Variants in CAPN13 observed in about 807,000 individuals in gnomAD.
The protein encoded by CAPN13 is calpain-13.
Under a neutral mutation model 98.4 loss-of-function variants are expected in CAPN13, and 90 were observed. The ratio of observed to expected loss-of-function variants is 0.92; its 90% CI spans 0.77 to 1.09. The LOEUF is 1.09. Among genes scored for constraint, CAPN13 ranks in the 50% least tolerant of loss-of-function variants. CAPN13 has a pLI of 0.00. For synonymous variants in CAPN13, 330 were observed against 305.5 expected (o/e 1.08, Z -0.84); for missense variants, 887 against 841.3 (o/e 1.05, Z -0.67).
rs746559446 is a variant in CAPN13 at position 30,787,299 on chromosome 2, C to T, written c.27G>A (p.Val9=). MAYYQEPS[V]ETSIIKFKDQ... Reference sequence around the variant, plus strand: ...CTTTGAACTTGATGATGGAGGTCTCCACTGAAGGCTCCTGGTAATACGCCA... The same window carrying T: ...CTTTGAACTTGATGATGGAGGTCTCTACTGAAGGCTCCTGGTAATACGCCA... Residue 9 remains valine, a synonymous_variant, in exon 2 of 23, where the codon GTG becomes GTA. Coordinates refer to ENST00000295055, the MANE Select transcript of CAPN13 (RefSeq NM_144575.3). The T allele has an allele frequency of 3.1e-6, 5 of 1,613,130 alleles. No individual in the cohort carries two copies. In the East Asian group the frequency reaches 1.1e-4, roughly 36 times the overall value.
chr2:30,778,476 C>T (rs1157922491), intron 2 of CAPN13, among the ~76,000 whole-genome samples: 1 of 152,232 alleles, frequency 6.6e-6, no homozygotes, highest in Admixed American at 6.5e-5. Flanking sequence ...GGCCTCCTCT[C>T]TGTGCAGCTC....
intron 1 of CAPN13, 128 bp from the exon 2 acceptor site, chr2:30,787,485 C>T (rs1674354623): frequency 1.6e-6 from 1 of 619,654 alleles, no homozygotes; most frequent in Non-Finnish European, 2.7e-6. Flanking sequence ...CTGCACTGTC[C>T]CTGGTGGCAC....
chr2:30,751,929 CT>C (rs761516778), intron 10 of CAPN13, among the ~76,000 whole-genome samples: 14 of 152,218 alleles, frequency 9.2e-5, no homozygotes, highest in Non-Finnish European at 1.9e-4. Flanking sequence ...CACTGGCTCT[CT>C]TTTCTTTTTC....
chr2:30,733,953 G>A (rs949625458), intron 19 of CAPN13, among the ~76,000 whole-genome samples: 1 of 152,166 alleles, frequency 6.6e-6, no homozygotes, highest in Non-Finnish European at 1.5e-5. Context: ...GAACCATGGA[G>A]AACTTATGCA....
intron 1 of CAPN13, among the ~76,000 whole-genome samples, chr2:30,803,157 C>G (rs922728586): frequency 8.5e-5 from 13 of 152,136 alleles, no homozygotes; most frequent in African/African-American, 2.2e-4. Flanking sequence ...TTGGCTGCCA[C>G]GTCTGGTTAA....
At chr2:30,797,969 T>C (rs1674975265) in intron 1 of CAPN13, among the ~76,000 whole-genome samples, 1 of 152,162 alleles carries the variant, frequency 6.6e-6, no homozygotes, top group Non-Finnish European at 1.5e-5. Flanking sequence ...CAAACACATG[T>C]CCAGTGGAAA....
intron 1 of CAPN13, among the ~76,000 whole-genome samples, chr2:30,805,163 C>T (rs1025727521): frequency 2.0e-5 from 3 of 152,148 alleles, no homozygotes; most frequent in African/African-American, 7.2e-5. Flanking sequence ...ACAGTTAACT[C>T]CCCATAGGGC....
At chr2:30,798,439 T>G (rs554282302) in intron 1 of CAPN13, among the ~76,000 whole-genome samples, 2 of 152,304 alleles carry the variant, frequency 1.3e-5, no homozygotes, top group African/African-American at 4.8e-5. Flanking sequence ...AGTGTCATAT[T>G]TTGGGCACTA....
intron 22 of CAPN13, among the ~76,000 whole-genome samples, chr2:30,728,698 A>G (rs747350300): frequency 5.3e-5 from 8 of 152,202 alleles, no homozygotes; most frequent in Non-Finnish European, 8.8e-5. Context: ...ATGGGAGGAC[A>G]TTGAAGCGTT....
chr2:30,763,592 T>A (rs1175849166), intron 6 of CAPN13, among the ~76,000 whole-genome samples: 1 of 152,228 alleles, frequency 6.6e-6, no homozygotes, highest in Admixed American at 6.5e-5. Context: ...TGTTTCAAGA[T>A]GAAGGAAGCA....
intron 1 of CAPN13, among the ~76,000 whole-genome samples, chr2:30,794,060 T>C (rs1175462508): frequency 4.7e-5 from 7 of 150,450 alleles, no homozygotes; most frequent in Non-Finnish European, 8.9e-5. Flanking sequence ...AGAAAAAAAA[T>C]TGATAAATTA....
At position 30,807,285 on chromosome 2, in the gene CAPN13, GA is replaced by G. The variant is rs1675686430; in HGVS notation, c.-33+16del. ...GCCTTGGTCCACAGCTCTGGGACAT[GA>G]CCACGCACAACTTACCTGTTTCCTA... On this transcript the variant is annotated intron_variant, in intron 1 of 22. Transcript: ENST00000295055. The G allele has an allele frequency of 6.6e-6, 1 of 152,212 alleles. No individual in the cohort carries two copies. The highest frequency in any genetic ancestry group is 6.5e-5 in the Admixed American group (1 of 15,282). 9.4% of individuals were successfully genotyped at this position (152,212 alleles called of 1,614,324 possible).
intron 11 of CAPN13, 103 bp downstream of exon 11, chr2:30,751,000 C>CTG: frequency 7.6e-7 from 1 of 1,311,568 alleles, no homozygotes; most frequent in Non-Finnish European, 1.1e-6. Flanking sequence ...ATCTCCAAGG[C>CTG]TGTGGTGCAG....
chr2:30,764,387 C>T, intron 5 of CAPN13, 81 bp from the exon 6 acceptor site: 2 of 1,486,540 alleles, frequency 1.3e-6, no homozygotes, highest in South Asian at 1.3e-5. Context: ...TGATCCTCTG[C>T]CTATTTCCCA....
In CAPN13 at chr2:30,741,574, G is replaced by A. The variant is rs142938004; in HGVS notation, c.1536+334C>T. ...GATGCCAGGTTGGTGGGAGGTGGCCGAGTAGGAGAAGGAAAGGTTTCACGG... is the reference window on the plus strand; with the variant it reads ...GATGCCAGGTTGGTGGGAGGTGGCCAAGTAGGAGAAGGAAAGGTTTCACGG... On this transcript the variant is annotated intron_variant, in intron 15 of 22. Transcript: ENST00000295055. 408 of 1,080,516 alleles carry A rather than the reference G, an allele frequency of 3.8e-4. 3 individuals carry two copies. The African/African-American group carries it at 5.8e-3, about 15-fold the overall frequency. The allele number at this position is 1,080,516 out of a possible 1,614,324, so 66.9% of individuals were successfully genotyped here.
At chr2:30,724,532 T>A (rs568273852) in intron 22 of CAPN13, among the ~76,000 whole-genome samples, 3 of 152,212 alleles carry the variant, frequency 2.0e-5, no homozygotes, top group Non-Finnish European at 4.4e-5. Flanking sequence ...GTTTCCCGGA[T>A]TCCAACTCTT....
chr2:30,728,809 G>C (rs1160848331), intron 22 of CAPN13, among the ~76,000 whole-genome samples: 2 of 152,214 alleles, frequency 1.3e-5, no homozygotes, highest in South Asian at 2.1e-4. Context: ...AGGAAAATCA[G>C]ATAGGGAGGC....
At chr2:30,751,607 C>T (rs561898480) in intron 10 of CAPN13, among the ~76,000 whole-genome samples, 1 of 152,250 alleles carries the variant, frequency 6.6e-6, no homozygotes, top group African/African-American at 2.4e-5. Flanking sequence ...CATGAACCAC[C>T]CAAGCACAAC....
chr2:30,805,096 A>C (rs62139470), intron 1 of CAPN13, among the ~76,000 whole-genome samples: 19,286 of 152,096 alleles, frequency 0.13, 1,364 homozygotes, highest in East Asian at 0.17. Flanking sequence ...TAGCAATTAG[A>C]TCTAGTTTTC....
Sources: allele counts gnomAD v4.1 joint callset (sites outside exome capture counted in the v4.1 genomes callset), GRCh38; gene constraint gnomAD v4.1.1; transcripts MANE v1.5; gene names NCBI Gene and HGNC (gene_info 2026-07-23, HGNC 2026-07-21).